HS3ST4: variants seen among roughly 807,000 people sequenced by gnomAD.
HS3ST4 encodes the protein heparan sulfate glucosamine 3-O-sulfotransferase 4.
HS3ST4 carries 17 observed loss-of-function variants against 29.2 expected under a neutral mutation model. That is an observed-to-expected ratio of 0.58 (90% CI 0.40 to 0.87). The LOEUF (loss-of-function observed/expected upper bound fraction) is 0.87. Ranked by LOEUF, HS3ST4 falls within the 40% of genes least tolerant of loss-of-function variation. HS3ST4 has a pLI of 0.00. For synonymous variants in HS3ST4, 314 were observed against 285.7 expected, an observed-to-expected ratio of 1.10 and a Z score of -1.00; for missense variants, 627 against 634.5, an observed-to-expected ratio of 0.99 and a Z score of 0.13.
At chr16:26,101,901 T>C (rs1460709653) in intron 1 of HS3ST4, among the ~76,000 whole-genome samples, 1 of 152,188 alleles carries the variant, frequency 6.6e-6, no homozygotes, top group East Asian at 1.9e-4. Context: ...CTTCTCTATC[T>C]CTTTTGCGAC....
chr16:25,872,756 T>G (rs2141660006), intron 1 of HS3ST4, among the ~76,000 whole-genome samples: 1 of 152,236 alleles, frequency 6.6e-6, no homozygotes, highest in South Asian at 2.1e-4. Context: ...ATGAATAAAA[T>G]CTACCACTTG....
Position 26,097,386 on chromosome 16 carries a change from T to G in HS3ST4, c.735-38226T>G, listed in dbSNP as rs1427843841. Among the ~76,000 whole-genome samples, 3 of 152,096 alleles carry G rather than the reference T, an allele frequency of 2.0e-5. No individual in the cohort carries two copies. In the East Asian group the frequency reaches 5.8e-4, roughly 29 times the overall value. On this transcript the variant is annotated intron_variant, in intron 1 of 1. Coordinates refer to ENST00000331351, the MANE Select transcript of HS3ST4 (RefSeq NM_006040.3). ...CATGGTACTGGTACCAAAACAGATA[T>G]ATAGACCAATGGAACAGAACAGAAG...
chr16:25,881,638 G>A (rs370046628), intron 1 of HS3ST4, among the ~76,000 whole-genome samples: 6 of 152,044 alleles, frequency 3.9e-5, no homozygotes, highest in African/African-American at 9.7e-5. Flanking sequence ...TCTTATCATC[G>A]TGGGGCTCTT....
At chr16:25,849,194 T>C (rs1235319406) in intron 1 of HS3ST4, among the ~76,000 whole-genome samples, 1 of 152,234 alleles carries the variant, frequency 6.6e-6, no homozygotes, top group African/African-American at 2.4e-5. Context: ...AGATTCTGTT[T>C]ATGGCCTAAT....
At chr16:26,093,110 C>T (rs1898878068) in intron 1 of HS3ST4, among the ~76,000 whole-genome samples, 1 of 152,166 alleles carries the variant, frequency 6.6e-6, no homozygotes, top group African/African-American at 2.4e-5. Context: ...GAGGAGCCCA[C>T]CACAGCTCAG....
chr16:25,775,362 G>A (rs1966846655), intron 1 of HS3ST4, among the ~76,000 whole-genome samples: 1 of 152,168 alleles, frequency 6.6e-6, no homozygotes, highest in Non-Finnish European at 1.5e-5. Context: ...GTGGCTGAAG[G>A]GACACTGATT....
At chr16:25,871,943 A>AG (rs1028416861) in intron 1 of HS3ST4, among the ~76,000 whole-genome samples, 5 of 131,544 alleles carry the variant, frequency 3.8e-5, no homozygotes, top group African/African-American at 1.3e-4. Flanking sequence ...CCTATCTTTG[A>AG]GGGGCTCAAA....
At chr16:25,701,710 A>G (rs1350705629) in intron 1 of HS3ST4, among the ~76,000 whole-genome samples, 1 of 152,254 alleles carries the variant, frequency 6.6e-6, no homozygotes, top group Non-Finnish European at 1.5e-5. Context: ...ATTATCAACC[A>G]TGTGCTATGT....
At chr16:25,958,131 G>A (rs1281428058) in intron 1 of HS3ST4, among the ~76,000 whole-genome samples, 1 of 152,004 alleles carries the variant, frequency 6.6e-6, no homozygotes, top group African/African-American at 2.4e-5. Context: ...CTAAGCCCTG[G>A]GACTCGCATT....
chr16:25,827,220 T>A (rs1489800727), intron 1 of HS3ST4, among the ~76,000 whole-genome samples: 1 of 152,124 alleles, frequency 6.6e-6, no homozygotes, highest in Non-Finnish European at 1.5e-5. Context: ...GTGTGTCAGT[T>A]GCATAGAAAG....
intron 1 of HS3ST4, among the ~76,000 whole-genome samples, chr16:26,051,533 G>A (rs1298342839): frequency 1.3e-5 from 2 of 152,052 alleles, no homozygotes; most frequent in Admixed American, 6.6e-5. Flanking sequence ...CTGAGGCTTA[G>A]AGATATTAAA....
Position 25,693,085 on chromosome 16 carries a change from T to G in HS3ST4, c.668T>G (p.Val223Gly). 2 of 1,608,604 alleles carry G rather than the reference T, an allele frequency of 1.2e-6. No individual in the cohort carries two copies. The highest frequency in any genetic ancestry group is 1.7e-6 in the Non-Finnish European group (2 of 1,177,830). ...LLEAIRVHPD[V>G]RAVGVEPHFF... ...GAGGCGATCCGCGTGCACCCGGACGTGCGGGCGGTGGGCGTAGAGCCGCAC... is the reference window on the plus strand; with the variant it reads ...GAGGCGATCCGCGTGCACCCGGACGGGCGGGCGGTGGGCGTAGAGCCGCAC... Residue 223 changes from valine (V) to glycine (G), a missense_variant, in exon 1 of 2, where the codon GTG becomes GGG. By Grantham distance (109) the Val-to-Gly change is moderately radical (BLOSUM62 -3). Around this residue, in one of 2 missense-constraint regions of HS3ST4, gnomAD observed 402 missense variants for 340.8 expected, o/e 1.18. Coordinates refer to ENST00000331351, the MANE Select transcript of HS3ST4 (RefSeq NM_006040.3).
At position 25,778,856 on chromosome 16, in the gene HS3ST4, T is replaced by G. The variant is rs558799467; in HGVS notation, c.734+85705T>G. Among the ~76,000 whole-genome samples the G allele has an allele frequency of 2.0e-5, 3 of 152,326 alleles. No homozygotes were observed. The East Asian group carries it at 5.8e-4, about 29-fold the overall frequency. ...TAGAAACCCTGTCTGAGTTTCCAGC[T>G]TTCTACCTGGCCCTGCGGATTTTGG... On this transcript the variant is annotated intron_variant, in intron 1 of 1. Coordinates refer to ENST00000331351, the MANE Select transcript of HS3ST4 (RefSeq NM_006040.3).
intron 1 of HS3ST4, among the ~76,000 whole-genome samples, chr16:25,726,280 G>T (rs74014827): frequency 0.039 from 5,878 of 151,928 alleles, 371 homozygotes; most frequent in African/African-American, 0.13. Context: ...CTAAAACATT[G>T]CAGTGAACAA....
At chr16:25,844,368 T>A (rs1177915623) in intron 1 of HS3ST4, among the ~76,000 whole-genome samples, 1 of 152,276 alleles carries the variant, frequency 6.6e-6, no homozygotes, top group Non-Finnish European at 1.5e-5. Context: ...TGCTAGTTTA[T>A]CTGAAATTTT....
intron 1 of HS3ST4, among the ~76,000 whole-genome samples, chr16:25,768,265 T>A (rs572979960): frequency 6.6e-6 from 1 of 152,308 alleles, no homozygotes; most frequent in South Asian, 2.1e-4. Flanking sequence ...TGCATACCCT[T>A]CCAGACTCAT....
At chr16:25,944,802 A>G (rs980435448) in intron 1 of HS3ST4, among the ~76,000 whole-genome samples, 6 of 152,134 alleles carry the variant, frequency 3.9e-5, no homozygotes, top group Non-Finnish European at 7.3e-5. Flanking sequence ...TGGGTGCCCA[A>G]TGACCAGTCA....
Position 26,080,208 on chromosome 16 carries a change from G to A in HS3ST4, c.735-55404G>A, listed in dbSNP as rs146333621. On this transcript the variant is annotated intron_variant, in intron 1 of 1. Coordinates refer to ENST00000331351, the MANE Select transcript of HS3ST4 (RefSeq NM_006040.3). ...GCTAGCTCCTTCCTTCCTTCCTTCC[G>A]TCCCTCACCAACCAACACTTTTAGG... Among the ~76,000 whole-genome samples, 556 of 151,998 alleles carry A rather than the reference G, an allele frequency of 3.7e-3. 2 individuals are homozygous for A. The highest frequency in any genetic ancestry group is 0.012 in the African/African-American group (517 of 41,442).
rs1230119323 is a variant in HS3ST4, at chr16:25,859,082, C to CT, written c.734+165937dup. ...TTTATGAATTTATTATTTAAAAGTG[C>CT]TTTTTTGGTAATTTCTTGGAATTTT... On this transcript the variant is annotated intron_variant, in intron 1 of 1. Coordinates refer to ENST00000331351, the MANE Select transcript of HS3ST4 (RefSeq NM_006040.3). Among the ~76,000 whole-genome samples, 5 of 152,152 alleles carry CT rather than the reference C, an allele frequency of 3.3e-5. No homozygotes were observed. The South Asian group carries it at 6.2e-4, about 19-fold the overall frequency.
Sources: allele counts gnomAD v4.1 joint callset (sites outside exome capture counted in the v4.1 genomes callset), GRCh38; gene constraint gnomAD v4.1.1; regional missense constraint gnomAD v4.1.1; transcripts MANE v1.5; gene names NCBI Gene and HGNC (gene_info 2026-07-23, HGNC 2026-07-21).